Variants in FLI1 observed in about 807,000 individuals in gnomAD.
FLI1 encodes Fli-1 proto-oncogene, ETS transcription factor, also known as Friend leukemia integration 1 transcription factor.
Under a neutral mutation model 53.1 loss-of-function variants are expected in FLI1, and 13 were observed. That is an observed-to-expected ratio of 0.24 (90% CI 0.16 to 0.39). FLI1 has a LOEUF of 0.39. Ranked by LOEUF, FLI1 falls within the 10% of genes least tolerant of loss-of-function variation. The pLI is 1.00. For synonymous variants in FLI1, 244 were observed against 236.7 expected (o/e 1.03, Z -0.28); for missense variants, 424 against 600.5 (o/e 0.71, Z 3.07).
intron 2 of FLI1, among the ~76,000 whole-genome samples, chr11:128,760,520 C>CTTTTTTT (rs1179242159): frequency 3.9e-5 from 4 of 103,594 alleles, no homozygotes; most frequent in Non-Finnish European, 5.9e-5. Flanking sequence ...GTGGAGATTC[C>CTTTTTTT]TTTTTTTTTT....
At chr11:128,761,252 ACT>A (rs1565486629) in intron 2 of FLI1, among the ~76,000 whole-genome samples, 1 of 150,198 alleles carries the variant, frequency 6.7e-6, no homozygotes, top group East Asian at 1.9e-4. Context: ...TAGTCATATG[ACT>A]CTCTCCCTCA....
chr11:128,713,862 G>T (rs1439174053), intron 1 of FLI1, among the ~76,000 whole-genome samples: 1 of 152,006 alleles, frequency 6.6e-6, no homozygotes, highest in Admixed American at 6.6e-5. Flanking sequence ...GGCCACCCGG[G>T]GCATTGCTAA....
intron 1 of FLI1, among the ~76,000 whole-genome samples, chr11:128,700,501 G>T (rs1466749777): frequency 6.6e-6 from 1 of 152,226 alleles, no homozygotes; most frequent in Non-Finnish European, 1.5e-5. Context: ...CTTTGGGGAG[G>T]AAAGTGTACA....
At chr11:128,689,482 A>G (rs1027988767), upstream of FLI1, among the ~76,000 whole-genome samples, 3 of 151,926 alleles carry the variant, frequency 2.0e-5, no homozygotes, top group Non-Finnish European at 4.4e-5. Flanking sequence ...TCTGAGGGAG[A>G]TGCCGTCTTC....
At position 128,803,639 on chromosome 11, in the gene FLI1, C is replaced by T. The variant is rs144073254; in HGVS notation, c.656-1727C>T. On this transcript the variant is annotated intron_variant, in intron 5 of 8. Coordinates refer to ENST00000527786, the MANE Select transcript of FLI1 (RefSeq NM_002017.5). ...ACCCTCTCATACTCACATGCAAGGA[C>T]GAGGAACTTGTTTCCTATTACTTCA... 4.9e-4 allele frequency among the ~76,000 whole-genome samples: 74 copies of T among 152,288 alleles called. 1 individual carries two copies. In the East Asian group the frequency reaches 9.8e-3, roughly 20 times the overall value.
chr11:128,811,902 A>T lies in FLI1; in HGVS notation c.*914A>T, dbSNP rs1291921163. 5.0e-6 allele frequency: 1 copy of T among 198,242 alleles called. No homozygotes were observed. Among genetic ancestry groups the T allele is most frequent in the African/African-American group, 2.3e-5 (1 of 43,282 alleles). 12.3% of individuals were successfully genotyped at this position (198,242 alleles called of 1,614,324 possible). A position where few individuals can be genotyped will look rare whatever the true frequency, so the allele number is the denominator to read the frequency against. On this transcript the variant is annotated 3_prime_UTR_variant, in exon 9 of 9. Coordinates refer to ENST00000527786, the MANE Select transcript of FLI1 (RefSeq NM_002017.5). ...AATAAATAATTAAAAATTAAGAATA[A>T]ATAAACGAGTTGACCTCGGTCACAA...
rs915340110 is a variant in FLI1, at chr11:128,810,087, A to C, written c.830-372A>C. On this transcript the variant is annotated intron_variant, in intron 8 of 8. Transcript: ENST00000527786. This position sits in a 1 kb window ranked among gnomAD's most constrained non-coding sequence, Gnocchi z 6.6. ...GGGACATGACCACTAATTAGAGATCAGTCAGTGATTCAGGCCTTTCTAGAT... is the reference window on the plus strand; with the variant it reads ...GGGACATGACCACTAATTAGAGATCCGTCAGTGATTCAGGCCTTTCTAGAT... 6.6e-6 allele frequency among the ~76,000 whole-genome samples: 1 copy of C among 152,048 alleles called. No homozygotes were observed. Among genetic ancestry groups the C allele is most frequent in the Non-Finnish European group, 1.5e-5 (1 of 67,998 alleles).
At chr11:128,788,002 G>A (rs1361435144) in intron 5 of FLI1, among the ~76,000 whole-genome samples, 2 of 151,484 alleles carry the variant, frequency 1.3e-5, no homozygotes, top group African/African-American at 4.9e-5. Flanking sequence ...AGTAGAGACG[G>A]GGTTTCACCA....
At chr11:128,695,097 C>G (rs1235738557) in intron 1 of FLI1, among the ~76,000 whole-genome samples, 1 of 152,142 alleles carries the variant, frequency 6.6e-6, no homozygotes, top group Non-Finnish European at 1.5e-5. Context: ...CCTTCGGAGC[C>G]GCCTCCGTTG....
upstream of FLI1, chr11:128,693,861 C>CCG (rs60096045): frequency 0.011 from 1,936 of 168,632 alleles, 48 homozygotes; most frequent in African/African-American, 0.069. Flanking sequence ...GCAGGACCAG[C>CCG]AGGGGAGGAA....
In FLI1 at chr11:128,811,691, A is replaced by AT. The variant is rs201085556; in HGVS notation, c.*718dup. ...TGAAAGACGGGGAATTAAATTACTA[A>AT]TTTTTTTTTTTTTTTAAATGATGAC... On this transcript the variant is annotated 3_prime_UTR_variant, in exon 9 of 9. Coordinates refer to ENST00000527786, the MANE Select transcript of FLI1 (RefSeq NM_002017.5). 7.8e-3 allele frequency: 1,421 copies of AT among 182,674 alleles called. No individual in the cohort carries two copies. The highest frequency in any genetic ancestry group is 0.014 in the East Asian group (161 of 11,318). The allele number at this position is 182,674 out of a possible 1,614,324, so 11.3% of individuals were successfully genotyped here.
chr11:128,788,937 CTAAG>C (rs1358284897), intron 5 of FLI1, among the ~76,000 whole-genome samples: 2 of 152,134 alleles, frequency 1.3e-5, no homozygotes, highest in South Asian at 2.1e-4. Context: ...AGACAGACAG[CTAAG>C]TAAGTAAGGA....
At chr11:128,685,708 CAAAAAAA>C (rs5795633), upstream of FLI1, among the ~76,000 whole-genome samples, 7 of 57,628 alleles carry the variant, frequency 1.2e-4, no homozygotes, top group Non-Finnish European at 1.7e-4. Flanking sequence ...CTTGAGGAGC[CAAAAAAA>C]AAAAAAAAAA....
intron 5 of FLI1, among the ~76,000 whole-genome samples, chr11:128,790,066 A>ATTCGTGTGTGTGTG (rs200869159): frequency 7.4e-6 from 1 of 135,858 alleles, no homozygotes; most frequent in Non-Finnish European, 1.5e-5. Flanking sequence ...GTGTGCATGC[A>ATTCGTGTGTGTGTG]TGCGTGTGTG....
At chr11:128,794,463 C>A (rs186044659) in intron 5 of FLI1, among the ~76,000 whole-genome samples, 6 of 152,182 alleles carry the variant, frequency 3.9e-5, no homozygotes, top group Non-Finnish European at 8.8e-5. Flanking sequence ...TTTCATCTAT[C>A]TGGAGAGAGA....
At chr11:128,695,665 A>T (rs1218468230) in intron 1 of FLI1, among the ~76,000 whole-genome samples, 1 of 152,276 alleles carries the variant, frequency 6.6e-6, no homozygotes, top group East Asian at 1.9e-4. Flanking sequence ...ACTGACTGTG[A>T]TGGGTTAAAG....
intron 1 of FLI1, among the ~76,000 whole-genome samples, chr11:128,725,501 G>C (rs1459342906): frequency 1.3e-5 from 2 of 152,190 alleles, no homozygotes; most frequent in Admixed American, 1.3e-4. Context: ...CAATGCTCAA[G>C]TGCCCGCAAA....
chr11:128,734,945 A>G (rs929649186), intron 1 of FLI1, among the ~76,000 whole-genome samples: 1 of 152,368 alleles, frequency 6.6e-6, no homozygotes, highest in East Asian at 1.9e-4. Context: ...TTGTGGGCAA[A>G]GAATGCAGCT....
At chr11:128,785,962 A>C (rs1268977065) in intron 5 of FLI1, among the ~76,000 whole-genome samples, 2 of 152,346 alleles carry the variant, frequency 1.3e-5, no homozygotes, top group African/African-American at 4.8e-5. Context: ...ATGCCACTAA[A>C]TTGTACACTT....
Sources: allele counts gnomAD v4.1 joint callset (sites outside exome capture counted in the v4.1 genomes callset), GRCh38; gene constraint gnomAD v4.1.1; non-coding constraint Gnocchi (gnomAD v3.1); transcripts MANE v1.5; gene names NCBI Gene and HGNC (gene_info 2026-07-23, HGNC 2026-07-21).